Variants in GMFG observed in about 807,000 individuals in gnomAD.
The protein encoded by GMFG is glia maturation factor gamma.
In GMFG, 21 loss-of-function variants were observed where a neutral mutation model predicts 26.1. That is an observed-to-expected ratio of 0.80 (90% confidence interval 0.57 to 1.16). The LOEUF (loss-of-function observed/expected upper bound fraction) is 1.16, where lower values mean the gene tolerates loss of function less well. GMFG is among the 50% of genes most tolerant of loss of function. The probability of loss-of-function intolerance (pLI) is 0.00; values close to 1 mark genes in which losing one functional copy is unlikely to be tolerated. For synonymous variants in GMFG, 65 were observed against 60.8 expected (o/e 1.07, Z -0.32); for missense variants, 161 against 178.3 (o/e 0.90, Z 0.55).
At chr19:39,329,173 T>C (rs2075216158) in intron 5 of GMFG, 100 bp from the exon 6 acceptor site, 1 of 788,132 alleles carries the variant, frequency 1.3e-6, no homozygotes, top group Non-Finnish European at 2.2e-6. Flanking sequence ...CCAAGGGTCC[T>C]AGGAGCTCTT....
chr19:39,329,166 AG>A (rs2075216123), intron 5 of GMFG, 93 bp from the exon 6 acceptor site: 2 of 835,980 alleles, frequency 2.4e-6, no homozygotes. Context: ...CAGCTTGCCA[AG>A]GGTCCTAGGA....
At chr19:39,331,898 G>A (rs1359291430) in intron 4 of GMFG, among the ~76,000 whole-genome samples, 1 of 152,020 alleles carries the variant, frequency 6.6e-6, no homozygotes, top group Non-Finnish European at 1.5e-5. Context: ...GTCTTGCTCT[G>A]TCACCCAGGC....
chr19:39,335,795 C>T (rs555056596), intron 1 of GMFG, among the ~76,000 whole-genome samples, 179 bp downstream of exon 1: 41 of 152,262 alleles, frequency 2.7e-4, no homozygotes, highest in African/African-American at 7.0e-4. Context: ...AGATCCACTT[C>T]CTGAGCCTAA....
chr19:39,329,541 C>CCA lies in GMFG; in HGVS notation c.283+2_283+3insTG. ...TCCTGAGGACAGTAGAGCTGTGTCTCACCCACAGGGCTGGAGAAGATGAAA... is the reference window on the plus strand; with the variant it reads ...TCCTGAGGACAGTAGAGCTGTGTCTCCAACCCACAGGGCTGGAGAAGATGAAA... On this transcript the variant is annotated splice_region_variant and intron_variant, in intron 5 of 6. Transcript: ENST00000597595. 6.4e-6 allele frequency: 10 copies of CCA among 1,562,028 alleles called. No homozygotes were observed. Among genetic ancestry groups the CCA allele is most frequent in the Non-Finnish European group, 7.9e-6 (9 of 1,132,830 alleles).
chr19:39,329,609 T>C lies in GMFG; in HGVS notation c.218A>G (p.Tyr73Cys). The C allele has an allele frequency of 6.2e-7, 1 of 1,609,584 alleles. No individual in the cohort carries two copies. The highest frequency in any genetic ancestry group is 8.5e-7 in the Non-Finnish European group (1 of 1,175,910). The change falls in exon 5 of 7, where the codon TAC (tyrosine) becomes TGC (cysteine). Residue 73 changes from tyrosine (Y) to cysteine (C), a missense_variant. Coordinates refer to ENST00000597595, the MANE Select transcript of GMFG (RefSeq NM_004877.4). ...TCGGCCATCGTCATGCACGTACTTGTAGCTGTAAACCACGAACCTACCGTG... is the reference window on the plus strand; with the variant it reads ...TCGGCCATCGTCATGCACGTACTTGCAGCTGTAAACCACGAACCTACCGTG... Reference protein sequence around the residue: ...ERQPRFVVYSYKYVHDDGRVS... With the variant: ...ERQPRFVVYSCKYVHDDGRVS...
intron 5 of GMFG, 139 bp downstream of exon 5, chr19:39,329,402 ACAC>A: frequency 1.5e-6 from 1 of 663,806 alleles, no homozygotes; most frequent in Non-Finnish European, 2.8e-6. Flanking sequence ...CGTGCGACAC[ACAC>A]ACATCCTCAC....
intron 4 of GMFG, 30 bp from the exon 5 acceptor site, chr19:39,329,656 C>T (rs1277345417): frequency 1.4e-6 from 2 of 1,388,970 alleles, no homozygotes; most frequent in Admixed American, 1.7e-5. Context: ...AAAATCAGGA[C>T]TCTGGCCTGC....
chr19:39,331,769 T>C (rs2075227205), intron 4 of GMFG, among the ~76,000 whole-genome samples: 1 of 152,188 alleles, frequency 6.6e-6, no homozygotes, highest in Admixed American at 6.5e-5. Context: ...AGTGAGACCC[T>C]GTCTCTAAAA....
rs2075214978 is a variant in GMFG at position 39,328,982 on chromosome 19, C to T, written c.357+18G>A. ...ACCACCTCTCCCTAACACTCTGGAG[C>T]CCCATCCCAGTCTGAACCTTTGTGA... On this transcript the variant is annotated intron_variant, in intron 6 of 6. Coordinates refer to ENST00000597595, the MANE Select transcript of GMFG (RefSeq NM_004877.4). The T allele has an allele frequency of 2.5e-6, 4 of 1,581,470 alleles. No homozygotes were observed. In the South Asian group the frequency reaches 4.4e-5, roughly 17 times the overall value.
chr19:39,333,025 A>C (rs1449098708), intron 4 of GMFG, 52 bp downstream of exon 4: 3 of 1,258,776 alleles, frequency 2.4e-6, no homozygotes, highest in Non-Finnish European at 3.5e-6. Context: ...TATACCTCCA[A>C]CATCACCCCT....
intron 1 of GMFG, 139 bp from the exon 2 acceptor site, chr19:39,335,670 A>T (rs41275744): frequency 0.032 from 22,416 of 691,876 alleles, 436 homozygotes; most frequent in African/African-American, 0.075. Flanking sequence ...GAGAAAAGGC[A>T]CCCTTCCCAC....
At chr19:39,328,579 C>G (rs1323460496) in intron 6 of GMFG, 31 bp from the exon 7 acceptor site, 2 of 1,538,616 alleles carry the variant, frequency 1.3e-6, no homozygotes, top group Non-Finnish European at 1.8e-6. Flanking sequence ...GCATTATGAT[C>G]TACTCAAACA....
chr19:39,333,944 G>C (rs909228724), intron 3 of GMFG, among the ~76,000 whole-genome samples: 3 of 143,822 alleles, frequency 2.1e-5, no homozygotes, highest in African/African-American at 5.1e-5. Context: ...TATCATTCTT[G>C]TTATTGATAA....
intron 4 of GMFG, among the ~76,000 whole-genome samples, chr19:39,330,684 C>T (rs2075222938): frequency 6.6e-6 from 1 of 151,518 alleles, no homozygotes; most frequent in African/African-American, 2.4e-5. Context: ...GCAGCCTCGA[C>T]CTCCCAGGTT....
intron 3 of GMFG, among the ~76,000 whole-genome samples, 169 bp downstream of exon 3, chr19:39,335,091 TC>T (rs2075243479): frequency 6.6e-6 from 1 of 152,162 alleles, no homozygotes; most frequent in Non-Finnish European, 1.5e-5. Flanking sequence ...CCTCAGGTGA[TC>T]CACCTGCCTC....
chr19:39,335,172 C>G, intron 3 of GMFG, 89 bp downstream of exon 3: 12 of 1,029,950 alleles, frequency 1.2e-5, no homozygotes, highest in Non-Finnish European at 1.4e-5. Context: ...CTTTCTACCC[C>G]CATGCCAGGC....
intron 1 of GMFG, 70 bp downstream of exon 1, chr19:39,335,903 GC>G (rs2075247908): frequency 1.9e-6 from 2 of 1,071,330 alleles, no homozygotes; most frequent in Non-Finnish European, 2.9e-6. Context: ...CCTGACCTTC[GC>G]CCAGGTGTCC....
rs200778340 is a variant in GMFG, at chr19:39,335,470, C to A, written c.65G>T (p.Arg22Leu). Reference protein sequence around the residue: ...PELTEKLRKFRFRKETDNAAI... With the variant: ...PELTEKLRKFLFRKETDNAAI... ...TGCATTGTCTGTCTCTTTTCGGAAG[C>A]GGAATTTCCTCAGCTTTTCTGTTAG... The change falls in exon 2 of 7, where the codon CGC becomes CTC. Residue 22 changes from arginine (R) to leucine (L), a missense_variant. Arg to Leu is a moderately radical substitution (Grantham distance 102). Transcript: ENST00000597595. 40 of 1,613,696 alleles carry A rather than the reference C, an allele frequency of 2.5e-5. No individual in the cohort carries two copies. The South Asian group carries it at 4.3e-4, about 17-fold the overall frequency.
intron 4 of GMFG, among the ~76,000 whole-genome samples, chr19:39,330,113 T>C (rs1246710866): frequency 6.6e-6 from 1 of 152,130 alleles, no homozygotes; most frequent in Non-Finnish European, 1.5e-5. Context: ...CTCATTTGAC[T>C]CACAATTACT....
Sources: allele counts gnomAD v4.1 joint callset (sites outside exome capture counted in the v4.1 genomes callset), GRCh38; gene constraint gnomAD v4.1.1; transcripts MANE v1.5; gene names NCBI Gene and HGNC (gene_info 2026-07-23, HGNC 2026-07-21).